KAZN: variants seen among roughly 807,000 people sequenced by gnomAD.
KAZN encodes kazrin.
A neutral mutation model predicts 87.4 loss-of-function variants in KAZN; 40 were observed. That is an observed-to-expected ratio of 0.46 (90% CI 0.36 to 0.60). KAZN has a LOEUF of 0.60. KAZN is among the 20% of genes least tolerant of loss of function. The pLI, the probability that KAZN is intolerant of heterozygous loss-of-function variation, is 0.00. For missense variants in KAZN, 898 were observed against 1,073.9 expected, an observed-to-expected ratio of 0.84 and a Z score of 2.29; for synonymous variants, 466 against 458.3, an observed-to-expected ratio of 1.02 and a Z score of -0.22.
At chr1:14,450,258 G>C (rs1236894458) in intron 2 of KAZN, among the ~76,000 whole-genome samples, 1 of 152,154 alleles carries the variant, frequency 6.6e-6, no homozygotes, top group African/African-American at 2.4e-5. Flanking sequence ...ATAGGATGCT[G>C]TTTCATGATA....
At chr1:14,084,368 T>G (rs1277838370) in intron 1 of KAZN, among the ~76,000 whole-genome samples, 2 of 152,116 alleles carry the variant, frequency 1.3e-5, no homozygotes, top group African/African-American at 2.4e-5. Context: ...AGTCAGATGT[T>G]GGATTTATGG....
At position 14,622,456 on chromosome 1, in the gene KAZN, C is replaced by T. The variant is rs1352680539; in HGVS notation, c.226+23233C>T. On this transcript the variant is annotated intron_variant, in intron 1 of 14. Coordinates refer to ENST00000376030, the MANE Select transcript of KAZN (RefSeq NM_201628.3). ...CTGTAATCCCAGCACTTTGGGAGGC[C>T]GAGGCGGGCGGATCACGAGGTCAGG... Among the ~76,000 whole-genome samples, 6 of 151,820 alleles carry T rather than the reference C, an allele frequency of 4.0e-5. No homozygotes were observed. The East Asian group carries it at 9.7e-4, about 25-fold the overall frequency.
intron 1 of KAZN, among the ~76,000 whole-genome samples, chr1:14,097,727 T>G (rs1644159810): frequency 6.6e-6 from 1 of 152,204 alleles, no homozygotes; most frequent in South Asian, 2.1e-4. Context: ...CCTCTCATAT[T>G]CATTTAGTTA....
At chr1:15,111,508 C>A (rs1379327720) in intron 13 of KAZN, among the ~76,000 whole-genome samples, 2 of 152,094 alleles carry the variant, frequency 1.3e-5, no homozygotes, top group Non-Finnish European at 2.9e-5. Context: ...GAACTCCTGG[C>A]CTCAAGTGAT....
chr1:14,240,594 C>T (rs990844793), intron 2 of KAZN, among the ~76,000 whole-genome samples: 1 of 152,322 alleles, frequency 6.6e-6, no homozygotes, highest in Non-Finnish European at 1.5e-5. Flanking sequence ...CTCCATCCCC[C>T]AAGATCCCCA....
chr1:14,211,367 C>T (rs1646849453), intron 2 of KAZN, among the ~76,000 whole-genome samples: 1 of 151,950 alleles, frequency 6.6e-6, no homozygotes, highest in Non-Finnish European at 1.5e-5. Context: ...ACTACAGGCA[C>T]CCACCACCAC....
intron 1 of KAZN, among the ~76,000 whole-genome samples, chr1:14,955,964 G>A (rs557212342): frequency 1.3e-5 from 2 of 152,322 alleles, no homozygotes; most frequent in Admixed American, 6.5e-5. Context: ...TCAGATACGT[G>A]CTGAATCAAT....
chr1:14,022,485 C>CAAAAAAAAAAAAAAAAAAA (rs58713618), intron 1 of KAZN, among the ~76,000 whole-genome samples: 7 of 110,506 alleles, frequency 6.3e-5, no homozygotes, highest in East Asian at 3.6e-4. Flanking sequence ...GTATTTAAAG[C>CAAAAAAAAAAAAAAAAAAA]AAAAAAAAAA....
At chr1:13,988,859 C>T (rs1282695433) in intron 1 of KAZN, among the ~76,000 whole-genome samples, 1 of 152,164 alleles carries the variant, frequency 6.6e-6, no homozygotes, top group South Asian at 2.1e-4. Flanking sequence ...CTTGTGAAAA[C>T]ATTTTGCAGA....
rs188370859 is a variant in KAZN, at chr1:14,244,086, A to G, written c.249+63494A>G. Among the ~76,000 whole-genome samples the G allele has an allele frequency of 4.6e-5, 7 of 152,360 alleles. 1 individual carries two copies. In the East Asian group the frequency reaches 1.3e-3, roughly 29 times the overall value. ...AAACAGAGAAAAATTATCATTAAAC[A>G]TCACCCGCCATGTGGCTTCTGTTAA... On this transcript the variant is annotated intron_variant, in intron 2 of 16. Coordinates refer to the KAZN transcript ENST00000636203.
intron 1 of KAZN, among the ~76,000 whole-genome samples, chr1:14,072,096 C>A (rs1643268915): frequency 6.6e-6 from 1 of 152,114 alleles, no homozygotes; most frequent in African/African-American, 2.4e-5. Flanking sequence ...CTCTTCATGC[C>A]TCTGTATCCT....
At chr1:14,881,393 G>C (rs1210235950) in intron 1 of KAZN, among the ~76,000 whole-genome samples, 2 of 152,234 alleles carry the variant, frequency 1.3e-5, no homozygotes, top group African/African-American at 4.8e-5. Flanking sequence ...AGGAAGAGAA[G>C]TGGAAATCAT....
intron 1 of KAZN, among the ~76,000 whole-genome samples, chr1:14,829,000 A>C (rs766583259): frequency 6.6e-6 from 1 of 152,174 alleles, no homozygotes; most frequent in East Asian, 1.9e-4. Flanking sequence ...CACCCTTGCT[A>C]CAAGAGAGGC....
chr1:14,304,640 T>A (rs970178626), intron 2 of KAZN: 2 of 398,388 alleles, frequency 5.0e-6, no homozygotes, highest in African/African-American at 4.1e-5. Context: ...GCATTTCCAA[T>A]GATCCAGCAG....
intron 1 of KAZN, among the ~76,000 whole-genome samples, chr1:14,032,144 A>T (rs866711681): frequency 1.3e-5 from 2 of 151,630 alleles, no homozygotes; most frequent in Non-Finnish European, 2.9e-5. Context: ...TTCTTCTTGG[A>T]CTCCTCCCTT....
chr1:14,652,429 G>T, intron 1 of KAZN, among the ~76,000 whole-genome samples: 1 of 97,820 alleles, frequency 1.0e-5, no homozygotes, highest in Non-Finnish European at 2.2e-5. Context: ...TTATGTGTTG[G>T]TTCATTCGAC....
Position 15,112,516 on chromosome 1 carries a change from G to A in KAZN, c.2138G>A (p.Ser713Asn), listed in dbSNP as rs752432682. The change falls in exon 14 of 15, where the codon AGC (serine) becomes AAC (asparagine). Residue 713 changes from serine (S) to asparagine (N), a missense_variant. By Grantham distance (46) the Ser-to-Asn change is conservative. This residue lies in a region of KAZN where 127 missense variants were observed against 121.5 expected (regional missense o/e 1.04). Transcript: ENST00000376030. ...CGGGCAGGAAAGGAGGAGAACAGCA[G>A]CGGTCTCAAGTACAAGGCTGGCCGG... ...VTRAGKEENS[S>N]GLKYKAGRLP... 24 of 1,605,626 alleles carry A rather than the reference G, an allele frequency of 1.5e-5. 2 individuals are homozygous for A. The South Asian group carries it at 2.5e-4, about 17-fold the overall frequency.
chr1:14,021,651 A>G (rs1004744367), intron 1 of KAZN, among the ~76,000 whole-genome samples: 1 of 152,228 alleles, frequency 6.6e-6, no homozygotes, highest in African/African-American at 2.4e-5. Context: ...ATCAGAACAT[A>G]GACTGCCTTT....
At chr1:15,088,282 T>C (rs889004064) in intron 8 of KAZN, among the ~76,000 whole-genome samples, 1 of 152,264 alleles carries the variant, frequency 6.6e-6, no homozygotes, top group Non-Finnish European at 1.5e-5. Flanking sequence ...CGTAGTCTGC[T>C]GACCTCTATG....
Sources: gnomAD v4.1 joint callset for allele counts (sites outside exome capture counted in the v4.1 genomes callset) on GRCh38, gnomAD v4.1.1 for gene constraint, gnomAD v4.1.1 regional missense constraint, MANE v1.5 for transcripts, NCBI Gene and HGNC (gene_info 2026-07-23, HGNC 2026-07-21) for gene names.